Variants in NCKAP5 observed in about 807,000 individuals in gnomAD.
NCKAP5 encodes nck-associated protein 5.
Under a neutral mutation model 167.0 loss-of-function variants are expected in NCKAP5, and 92 were observed. The observed-to-expected ratio is 0.55, with a 90% CI of 0.47 to 0.66. The LOEUF (loss-of-function observed/expected upper bound fraction) is 0.66. NCKAP5 is among the 30% of genes least tolerant of loss of function. The probability of loss-of-function intolerance (pLI) is 0.00; values close to 1 mark genes in which losing one functional copy is unlikely to be tolerated. For synonymous variants in NCKAP5, 891 were observed against 877.4 expected, an observed-to-expected ratio of 1.02 and a Z score of -0.27; for missense variants, 2,378 against 2,315.0, an observed-to-expected ratio of 1.03 and a Z score of -0.56.
At chr2:133,607,337 C>T in the NCKAP5 span, among the ~76,000 whole-genome samples, 11 of 152,196 alleles carry the variant, frequency 7.2e-5, no homozygotes, top group East Asian at 1.7e-3. Context: ...GAGCTCCCCA[C>T]TGGACCCAGG....
At chr2:133,375,664 G>T (rs748323927) in intron 3 of NCKAP5, among the ~76,000 whole-genome samples, 1 of 152,102 alleles carries the variant, frequency 6.6e-6, no homozygotes, top group Non-Finnish European at 1.5e-5. Context: ...TCATCCTTTA[G>T]CTCCCACTTA....
chr2:133,468,306 T>C (rs1193874828), intron 3 of NCKAP5, among the ~76,000 whole-genome samples: 2 of 144,798 alleles, frequency 1.4e-5, no homozygotes, highest in South Asian at 2.2e-4. Flanking sequence ...TCAGTTTCTA[T>C]GTAGTTGAGC....
chr2:133,240,104 T>C (rs1352039180), intron 4 of NCKAP5, among the ~76,000 whole-genome samples: 3 of 152,210 alleles, frequency 2.0e-5, no homozygotes, highest in Admixed American at 2.0e-4. Flanking sequence ...TTGATAACAC[T>C]GTCTAGAGTT....
chr2:133,522,572 A>G (rs1231116677), intron 2 of NCKAP5, among the ~76,000 whole-genome samples: 1 of 152,228 alleles, frequency 6.6e-6, no homozygotes, highest in East Asian at 1.9e-4. Context: ...TATAACACCT[A>G]ATGCATAGCA....
At chr2:133,523,930 T>A (rs1285169180) in intron 2 of NCKAP5, among the ~76,000 whole-genome samples, 1 of 152,150 alleles carries the variant, frequency 6.6e-6, no homozygotes, top group Non-Finnish European at 1.5e-5. Flanking sequence ...TTAAAAAACA[T>A]ATCAATGCCT....
intron 6 of NCKAP5, among the ~76,000 whole-genome samples, chr2:133,003,167 C>T (rs2077847143): frequency 6.6e-6 from 1 of 152,152 alleles, no homozygotes; most frequent in African/African-American, 2.4e-5. Flanking sequence ...TAATCTCTGC[C>T]AAGACAGCCC....
At chr2:132,942,557 C>T (rs541345258) in intron 8 of NCKAP5, among the ~76,000 whole-genome samples, 3 of 152,106 alleles carry the variant, frequency 2.0e-5, no homozygotes, top group Admixed American at 1.3e-4. Context: ...CATGAGCCCA[C>T]GTTTTCTGAG....
At chr2:133,092,370 C>T (rs2081213706) in intron 6 of NCKAP5, among the ~76,000 whole-genome samples, 2 of 152,120 alleles carry the variant, frequency 1.3e-5, no homozygotes, top group Non-Finnish European at 2.9e-5. Context: ...TTGCCGGTAA[C>T]ACCAGAAGCT....
chr2:133,323,282 T>G (rs1350289747), intron 3 of NCKAP5, among the ~76,000 whole-genome samples: 1 of 152,092 alleles, frequency 6.6e-6, no homozygotes, highest in African/African-American at 2.4e-5. Context: ...GCAAAAATTA[T>G]TAACAGTGTC....
chr2:132,996,717 A>C (rs2077613080), intron 6 of NCKAP5, among the ~76,000 whole-genome samples: 1 of 152,264 alleles, frequency 6.6e-6, no homozygotes. Context: ...TCTCAACTGT[A>C]GATAAAATAC....
In NCKAP5 at chr2:132,987,880, C is replaced by G. The variant is rs140703416; in HGVS notation, c.429+6272G>C. Among the ~76,000 whole-genome samples, 4 of 152,308 alleles carry G rather than the reference C, an allele frequency of 2.6e-5. No homozygotes were observed. The East Asian group carries it at 7.7e-4, about 29-fold the overall frequency. The stretch of plus-strand genomic sequence containing the variant: ...TAACTTTGGGCCAACTATTTAATTT[C>G]TCTGTGCCTCAGTTTCCTCTTCTGT... On this transcript the variant is annotated intron_variant, in intron 7 of 19. Transcript: ENST00000409261.
At chr2:133,221,222 T>C (rs1220779915) in intron 4 of NCKAP5, among the ~76,000 whole-genome samples, 1 of 152,176 alleles carries the variant, frequency 6.6e-6, no homozygotes, top group Non-Finnish European at 1.5e-5. Flanking sequence ...CTTGGGCATC[T>C]TAGCAATCCA....
At chr2:133,540,205 G>C (rs1686113433) in intron 2 of NCKAP5, among the ~76,000 whole-genome samples, 1 of 151,848 alleles carries the variant, frequency 6.6e-6, no homozygotes, top group South Asian at 2.1e-4. Flanking sequence ...AAAGAAAAAT[G>C]CTATGCATAT....
At chr2:133,157,375 T>C (rs569858368) in intron 5 of NCKAP5, among the ~76,000 whole-genome samples, 57 of 152,330 alleles carry the variant, frequency 3.7e-4, no homozygotes, top group South Asian at 1.2e-3. Context: ...AACTAGTACT[T>C]ACTGTGTTCC....
rs180714087 is a variant in NCKAP5 at position 132,813,866 on chromosome 2, T to G, written c.808-17137A>C. On this transcript the variant is annotated intron_variant, in intron 11 of 19. Coordinates refer to ENST00000409261, the MANE Select transcript of NCKAP5 (RefSeq NM_207363.3). ...ATTAGAACAAATGAAATTCAGAGTTTGAGAGATTACATAACCACTGGGACC... is the reference window on the plus strand; with the variant it reads ...ATTAGAACAAATGAAATTCAGAGTTGGAGAGATTACATAACCACTGGGACC... 1.4e-3 allele frequency among the ~76,000 whole-genome samples: 215 copies of G among 152,330 alleles called. 1 individual carries two copies. The highest frequency in any genetic ancestry group is 4.9e-3 in the African/African-American group (204 of 41,574).
At chr2:132,685,726 CCATGGAA>C (rs1558919040) in intron 19 of NCKAP5, among the ~76,000 whole-genome samples, 2 of 152,098 alleles carry the variant, frequency 1.3e-5, no homozygotes, top group Admixed American at 6.5e-5. Context: ...GTTTTTCTCC[CCATGGAA>C]GCAAGGTTTC....
At chr2:133,309,855 T>C (rs1252636257) in intron 3 of NCKAP5, among the ~76,000 whole-genome samples, 2 of 152,228 alleles carry the variant, frequency 1.3e-5, no homozygotes, top group East Asian at 3.8e-4. Context: ...TAAAATCGTG[T>C]ATCAAAGCTT....
At chr2:133,334,497 ATGT>A (rs750587571) in intron 3 of NCKAP5, among the ~76,000 whole-genome samples, 7 of 152,160 alleles carry the variant, frequency 4.6e-5, no homozygotes, top group Non-Finnish European at 1.0e-4. Context: ...AGAGTTGAAT[ATGT>A]TGTCTGACAT....
intron 13 of NCKAP5, among the ~76,000 whole-genome samples, chr2:132,787,163 T>A (rs1457773118): frequency 6.6e-6 from 1 of 151,914 alleles, no homozygotes; most frequent in African/African-American, 2.4e-5. Context: ...GTCTGACCCA[T>A]ATGGTAAAAC....
Sources: allele counts gnomAD v4.1 joint callset (sites outside exome capture counted in the v4.1 genomes callset), GRCh38; gene constraint gnomAD v4.1.1; transcripts MANE v1.5; gene names NCBI Gene and HGNC (gene_info 2026-07-23, HGNC 2026-07-21).